CCDC120: variants seen among roughly 807,000 people sequenced by gnomAD.
The protein encoded by CCDC120 is coiled-coil domain-containing protein 120.
In CCDC120, 16 loss-of-function variants were observed where a neutral mutation model predicts 37.6. The ratio of observed to expected loss-of-function variants is 0.43; its 90% CI spans 0.29 to 0.65. The LOEUF (loss-of-function observed/expected upper bound fraction) is 0.65. CCDC120 is among the 30% of genes least tolerant of loss of function. The pLI is 0.18. For missense variants in CCDC120, 650 were observed against 657.4 expected (o/e 0.99, Z 0.12); for synonymous variants, 309 against 275.4 (o/e 1.12, Z -1.21).
At chrX:49,056,625 C>CAAAAA (rs56112125), upstream of CCDC120, among the ~76,000 whole-genome samples, 11 of 47,078 alleles carry the variant, frequency 2.3e-4, no homozygotes, top group South Asian at 2.5e-3. Context: ...GACTCCGTCT[C>CAAAAA]AAAAAAAAAA....
At chrX:49,058,531 C>T (rs782031230), upstream of CCDC120, among the ~76,000 whole-genome samples, 11 of 112,436 alleles carry the variant, frequency 9.8e-5, no homozygotes, top group Non-Finnish European at 1.9e-4. Context: ...CTCTATGGCC[C>T]AGATCCAAGT....
chrX:49,055,585 TA>T (rs2064824979), upstream of CCDC120, among the ~76,000 whole-genome samples: 1 of 111,909 alleles, frequency 8.9e-6, no homozygotes, highest in Non-Finnish European at 1.9e-5. Context: ...GAATCAGGCC[TA>T]TCCAGTGGTA....
chrX:49,060,520 G>A (rs2064874702), intron 1 of CCDC120, among the ~76,000 whole-genome samples: 1 of 108,529 alleles, frequency 9.2e-6, no homozygotes, highest in African/African-American at 3.4e-5. Flanking sequence ...GGGGGACCGT[G>A]GATGGAGTTG....
At chrX:49,055,635 G>A (rs782747314), upstream of CCDC120, among the ~76,000 whole-genome samples, 13 of 111,978 alleles carry the variant, frequency 1.2e-4, no homozygotes, top group African/African-American at 3.9e-4. Flanking sequence ...CTCATTGTCC[G>A]AATCTCCTTG....
upstream of CCDC120, among the ~76,000 whole-genome samples, chrX:49,055,427 G>C (rs1237104450): frequency 8.9e-6 from 1 of 111,900 alleles, no homozygotes; most frequent in Non-Finnish European, 1.9e-5. Context: ...TCTAGGCCAA[G>C]GCTTCGGGAC....
chrX:49,059,611 A>T (rs1557079021), intron 1 of CCDC120, among the ~76,000 whole-genome samples: 1 of 112,397 alleles, frequency 8.9e-6, no homozygotes, highest in Non-Finnish European at 1.9e-5. Flanking sequence ...TAGTGGCAGG[A>T]TGTGGAAATG....
Position 49,067,258 on chromosome X carries a change from C to T in CCDC120, c.1144C>T (p.Arg382Cys), listed in dbSNP as rs782628683. The change falls in exon 10 of 11, where the codon CGC becomes TGC. Residue 382 changes from arginine (R) to cysteine (C), a missense_variant. This residue lies in a region of CCDC120 where 576 missense variants were observed against 565.3 expected (regional missense o/e 1.02). Transcript: ENST00000603986. ...GFPRADPASD[R>C]ASLFVARTRR... ...CCCCCGGGCGGACCCTGCCTCCGAT[C>T]GCGCCTCCCTCTTCGTAGCTCGCAC... The T allele has an allele frequency of 9.1e-6, 11 of 1,209,446 alleles. No homozygotes were observed. Among genetic ancestry groups the T allele is most frequent in the Admixed American group, 6.5e-5 (3 of 45,848 alleles).
intron 6 of CCDC120, 125 bp downstream of exon 6, chrX:49,064,789 A>C: frequency 1.2e-6 from 1 of 830,317 alleles, no homozygotes; most frequent in Non-Finnish European, 1.7e-6. Context: ...ACCCGTGAGA[A>C]GAGTTGTGAC....
In CCDC120 at chrX:49,065,772, G is replaced by A; in HGVS notation, c.988G>A (p.Ala330Thr). The A allele has an allele frequency of 8.5e-7, 1 of 1,173,084 alleles. No individual in the cohort carries two copies. The highest frequency in any genetic ancestry group is 1.9e-5 in the South Asian group (1 of 53,064). Residue 330 changes from alanine to threonine, a missense_variant, in exon 9 of 11, where the codon GCC (alanine) becomes ACC (threonine). By Grantham distance (58) the Ala-to-Thr change is moderately conservative. Coordinates refer to ENST00000603986, the MANE Select transcript of CCDC120 (RefSeq NM_001163321.4). ...TSPTRSLPRS[A>T]SSFEGRSVPA... ...CCCCACACGCTCGCTGCCCAGGAGT[G>A]CCTCCAGTTTTGAGGGGCGAAGTGT...
chrX:49,067,997 G>C lies in CCDC120; in HGVS notation c.1883G>C (p.Arg628Pro). ...CCACACCCACCCTTCCTCCATGCCC[G>C]CTGCTATGAGGTGGGCCAGGCGCTG... Reference protein sequence around the residue: ...GPPHPPFLHARCYEVGQALYG... With the variant: ...GPPHPPFLHAPCYEVGQALYG... Residue 628 changes from arginine to proline, a missense_variant, in exon 10 of 11, where the codon CGC (arginine) becomes CCC (proline). Physicochemically the swap from Arg to Pro is moderately radical, Grantham distance 103 (BLOSUM62 -2). Around this residue, in one of 3 missense-constraint regions of CCDC120, gnomAD observed 576 missense variants for 565.3 expected, o/e 1.02. Coordinates refer to ENST00000603986, the MANE Select transcript of CCDC120 (RefSeq NM_001163321.4). 1 of 1,161,056 alleles carries C rather than the reference G, an allele frequency of 8.6e-7. No homozygotes were observed. Among genetic ancestry groups the C allele is most frequent in the Non-Finnish European group, 1.2e-6 (1 of 868,431 alleles).
At chrX:49,058,786 G>A (rs1042918910), upstream of CCDC120, among the ~76,000 whole-genome samples, 2 of 112,809 alleles carry the variant, frequency 1.8e-5, no homozygotes, top group Admixed American at 9.4e-5. Context: ...GCCTCCCAAA[G>A]TGCTGAGATT....
exon 1 of CCDC120, chrX:49,053,851 C>T (rs1484134306): frequency 3.5e-5 from 4 of 112,875 alleles, no homozygotes; most frequent in African/African-American, 1.3e-4. Flanking sequence ...GACACCGACC[C>T]CGCCTACTGC....
In CCDC120 at chrX:49,069,693, C is replaced by T. The variant is rs1193134784; in HGVS notation, c.*1035C>T. ...ATCCACCACTTTTTAAGCAAACCCA[C>T]ACAAGTTGTGTTTTCTATGATACCT... On this transcript the variant is annotated 3_prime_UTR_variant, in exon 11 of 11. Transcript: ENST00000603986. The T allele has an allele frequency of 2.7e-5, 3 of 112,564 alleles. No individual in the cohort carries two copies. In the East Asian group the frequency reaches 8.3e-4, roughly 31 times the overall value. The allele number at this position is 112,564 out of a possible 1,213,427, so 9.3% of individuals were successfully genotyped here. A position where few individuals can be genotyped will look rare whatever the true frequency, so the allele number is the denominator to read the frequency against.
chrX:49,060,869 C>T (rs1259113121), intron 1 of CCDC120, among the ~76,000 whole-genome samples: 1 of 111,876 alleles, frequency 8.9e-6, no homozygotes, highest in African/African-American at 3.3e-5. Flanking sequence ...GGGGCTTGAA[C>T]CCATGCCTCC....
At chrX:49,057,600 TCA>T (rs1194880184), upstream of CCDC120, among the ~76,000 whole-genome samples, 1 of 112,721 alleles carries the variant, frequency 8.9e-6, no homozygotes, top group African/African-American at 3.2e-5. Context: ...GCTGGAAATC[TCA>T]CACCCAGGAA....
chrX:49,062,863 C>T (rs961050320), intron 4 of CCDC120, among the ~76,000 whole-genome samples: 5 of 109,942 alleles, frequency 4.5e-5, no homozygotes, highest in African/African-American at 1.7e-4. Flanking sequence ...AGTTCCAGAC[C>T]AGCCTGACCA....
At chrX:49,059,779 C>T (rs782647492) in intron 1 of CCDC120, among the ~76,000 whole-genome samples, 3 of 109,336 alleles carry the variant, frequency 2.7e-5, no homozygotes, top group African/African-American at 1.0e-4. Flanking sequence ...TACTGCTCTC[C>T]CGCTGCAGCT....
chrX:49,054,180 T>C (rs2064817080), upstream of CCDC120, among the ~76,000 whole-genome samples: 1 of 111,138 alleles, frequency 9.0e-6, no homozygotes, highest in African/African-American at 3.3e-5. Flanking sequence ...CTGGGGATCT[T>C]TGACCTGACC....
At chrX:49,061,565 ATAAT>A (rs1569522166) in intron 1 of CCDC120, among the ~76,000 whole-genome samples, 1 of 112,361 alleles carries the variant, frequency 8.9e-6, no homozygotes. Flanking sequence ...TGTGGAAGTG[ATAAT>A]TAAGTTCTAG....
Sources: allele counts gnomAD v4.1 joint callset (sites outside exome capture counted in the v4.1 genomes callset), GRCh38; gene constraint gnomAD v4.1.1; regional missense constraint gnomAD v4.1.1; transcripts MANE v1.5; gene names NCBI Gene and HGNC (gene_info 2026-07-23, HGNC 2026-07-21).